Variants in CNTN5 observed in about 807,000 individuals in gnomAD.
The protein encoded by CNTN5 is contactin 5.
In CNTN5, 77 loss-of-function variants were observed where a neutral mutation model predicts 129.1. The ratio of observed to expected loss-of-function variants is 0.60; its 90% CI spans 0.50 to 0.72. The LOEUF (loss-of-function observed/expected upper bound fraction) is 0.72. Among genes scored for constraint, CNTN5 ranks in the 30% least tolerant of loss-of-function variants. The pLI, the probability that CNTN5 is intolerant of heterozygous loss-of-function variation, is 0.00. For synonymous variants in CNTN5, 509 were observed against 465.6 expected (o/e 1.09, Z -1.20); for missense variants, 1,478 against 1,328.8 (o/e 1.11, Z -1.75).
chr11:99,688,295 G>T (rs1282132188), intron 3 of CNTN5, among the ~76,000 whole-genome samples: 1 of 152,098 alleles, frequency 6.6e-6, no homozygotes, highest in Non-Finnish European at 1.5e-5. Context: ...TCCCATCTCG[G>T]TCTCCCAAAG....
chr11:99,688,106 A>AT, intron 3 of CNTN5, among the ~76,000 whole-genome samples: 1 of 152,174 alleles, frequency 6.6e-6, no homozygotes, highest in Non-Finnish European at 1.5e-5. Context: ...CACCCTGGTT[A>AT]TTTATTTCTT....
chr11:99,181,485 G>T (rs1858061770), intron 1 of CNTN5, among the ~76,000 whole-genome samples: 1 of 152,098 alleles, frequency 6.6e-6, no homozygotes, highest in African/African-American at 2.4e-5. Context: ...CTCCAAGGTA[G>T]CCCATTCCTG....
intron 1 of CNTN5, among the ~76,000 whole-genome samples, chr11:99,058,272 A>G (rs569859583): frequency 1.3e-5 from 2 of 151,980 alleles, no homozygotes; most frequent in African/African-American, 4.8e-5. Context: ...TGTGTTAGCT[A>G]TTAGGCAGCT....
chr11:100,156,971 C>T lies in CNTN5; in HGVS notation c.1581-34155C>T, dbSNP rs139142918. Among the ~76,000 whole-genome samples, 325 of 151,780 alleles carry T rather than the reference C, an allele frequency of 2.1e-3. 12 individuals carry two copies. The East Asian group carries it at 0.055, about 26-fold the overall frequency. On this transcript the variant is annotated intron_variant, in intron 13 of 24. Coordinates refer to ENST00000524871, the MANE Select transcript of CNTN5 (RefSeq NM_014361.4). ...GATTCACAGATTTTTTGAAGTTTTT[C>T]GTGTGTGTGTCTCTGTCTCCTTCAG...
At chr11:100,161,665 G>C (rs747400913) in intron 13 of CNTN5, among the ~76,000 whole-genome samples, 65 of 151,764 alleles carry the variant, frequency 4.3e-4, no homozygotes, top group Non-Finnish European at 6.9e-4. Flanking sequence ...TTTACAAAAT[G>C]AATAATACTT....
At chr11:99,947,337 A>G (rs1285136439) in intron 7 of CNTN5, among the ~76,000 whole-genome samples, 2 of 135,812 alleles carry the variant, frequency 1.5e-5, no homozygotes, top group East Asian at 2.1e-4. Flanking sequence ...TATGTGTTTT[A>G]TGATTAGGTT....
At chr11:99,772,778 A>G (rs1944989598) in intron 3 of CNTN5, among the ~76,000 whole-genome samples, 1 of 152,092 alleles carries the variant, frequency 6.6e-6, no homozygotes, top group African/African-American at 2.4e-5. Flanking sequence ...TGGTTTTATA[A>G]GAGAGAATGG....
chr11:100,045,112 T>C (rs1942599295), intron 9 of CNTN5, among the ~76,000 whole-genome samples: 1 of 137,834 alleles, frequency 7.3e-6, no homozygotes, highest in Non-Finnish European at 1.6e-5. Context: ...TTGTCTTCCA[T>C]ATTACTTTTT....
At chr11:99,780,834 A>G (rs1438266663) in intron 3 of CNTN5, among the ~76,000 whole-genome samples, 4 of 152,104 alleles carry the variant, frequency 2.6e-5, no homozygotes, top group Non-Finnish European at 4.4e-5. Context: ...TAAAAGTGCA[A>G]CTTCAAGGAA....
chr11:99,363,576 A>G (rs752625992), intron 2 of CNTN5, among the ~76,000 whole-genome samples: 3 of 152,080 alleles, frequency 2.0e-5, no homozygotes, highest in Non-Finnish European at 4.4e-5. Context: ...GATGTTCTCT[A>G]CTATCAGAGG....
chr11:100,000,941 A>C (rs1319392211), intron 8 of CNTN5, among the ~76,000 whole-genome samples: 1 of 152,076 alleles, frequency 6.6e-6, no homozygotes, highest in African/African-American at 2.4e-5. Context: ...ACGAGACACC[A>C]TGTCTCGAGG....
intron 6 of CNTN5, among the ~76,000 whole-genome samples, chr11:99,885,457 A>G (rs1200339229): frequency 6.6e-6 from 1 of 152,190 alleles, no homozygotes; most frequent in East Asian, 1.9e-4. Context: ...TCAACTTAGA[A>G]TTGTGTCTTC....
intron 13 of CNTN5, among the ~76,000 whole-genome samples, chr11:100,141,231 C>T (rs904719932): frequency 2.6e-5 from 4 of 151,922 alleles, no homozygotes; most frequent in African/African-American, 9.7e-5. Flanking sequence ...GAATGAAAGA[C>T]GACTTGGGAG....
chr11:99,678,154 A>G (rs1327969561), intron 3 of CNTN5, among the ~76,000 whole-genome samples: 1 of 152,096 alleles, frequency 6.6e-6, no homozygotes, highest in Admixed American at 6.6e-5. Context: ...CTACACACAC[A>G]CATTATAAAA....
chr11:99,445,077 ATTATAT>A (rs1439463316), intron 2 of CNTN5, among the ~76,000 whole-genome samples: 1 of 148,228 alleles, frequency 6.7e-6, no homozygotes, highest in Non-Finnish European at 1.5e-5. Flanking sequence ...TATATACACA[ATTATAT>A]TTATATTTGT....
chr11:99,933,502 AT>A (rs1259573919), intron 7 of CNTN5, among the ~76,000 whole-genome samples: 9 of 151,900 alleles, frequency 5.9e-5, no homozygotes, highest in South Asian at 2.1e-4. Flanking sequence ...TTTCCAATCA[AT>A]TTTTCCCCCA....
chr11:99,052,856 T>A lies in CNTN5; in HGVS notation c.-210+31586T>A, dbSNP rs2135181408. 1.3e-5 allele frequency among the ~76,000 whole-genome samples: 2 copies of A among 151,994 alleles called. 1 individual carries two copies. The highest frequency in any genetic ancestry group is 1.3e-4 in the Admixed American group (2 of 15,220). On this transcript the variant is annotated intron_variant, in intron 1 of 24. Transcript: ENST00000524871. ...AGCCTAGTCTCAGACTTTTTCAATC[T>A]GTCTGTAATGCTATAATAAAAGAAA... is the stretch of plus-strand genomic sequence containing the variant.
At chr11:99,197,592 TA>T (rs1316257456) in intron 1 of CNTN5, among the ~76,000 whole-genome samples, 1 of 152,048 alleles carries the variant, frequency 6.6e-6, no homozygotes, top group Non-Finnish European at 1.5e-5. Flanking sequence ...AAGAGACCAT[TA>T]AAAAAGATGC....
At chr11:100,313,174 GTTTTTC>G (rs1951505931) in intron 21 of CNTN5, among the ~76,000 whole-genome samples, 1 of 152,014 alleles carries the variant, frequency 6.6e-6, no homozygotes. Context: ...TCCGATTTAT[GTTTTTC>G]TTTTTTTTAA....
Sources: allele counts gnomAD v4.1 joint callset (sites outside exome capture counted in the v4.1 genomes callset), GRCh38; gene constraint gnomAD v4.1.1; transcripts MANE v1.5; gene names NCBI Gene and HGNC (gene_info 2026-07-23, HGNC 2026-07-21).